Variants in GMPS observed in about 807,000 individuals in gnomAD.
GMPS encodes the protein guanosine monophosphate synthase, also known as GMP synthase [glutamine-hydrolyzing].
GMPS carries 15 observed loss-of-function variants against 77.9 expected under a neutral mutation model. That is an observed-to-expected ratio of 0.19 (90% CI 0.13 to 0.30). GMPS has a LOEUF of 0.30. Ranked by LOEUF, GMPS falls within the 10% of genes least tolerant of loss-of-function variation. The pLI is 1.00. For synonymous variants in GMPS, 224 were observed against 275.9 expected (o/e 0.81, Z 1.86); for missense variants, 590 against 838.8 (o/e 0.70, Z 3.66).
chr3:155,931,909 C>A, intron 13 of GMPS, 29 bp downstream of exon 13: 1 of 973,748 alleles, frequency 1.0e-6, no homozygotes, highest in Non-Finnish European at 1.7e-6. Flanking sequence ...AGGGTGGGGG[C>A]TTGTGTAATG....
At chr3:155,912,070 G>A (rs939644018) in intron 7 of GMPS, among the ~76,000 whole-genome samples, 1 of 151,718 alleles carries the variant, frequency 6.6e-6, no homozygotes, top group Non-Finnish European at 1.5e-5. Context: ...TTAAAAACAA[G>A]GTGCAATTGA....
At chr3:155,925,786 T>C (rs1188843239) in intron 12 of GMPS, among the ~76,000 whole-genome samples, 1 of 152,106 alleles carries the variant, frequency 6.6e-6, no homozygotes, top group African/African-American at 2.4e-5. Flanking sequence ...GTGTGAAATA[T>C]ACTGTGGTTT....
At chr3:155,882,745 C>T (rs1300715201) in intron 1 of GMPS, among the ~76,000 whole-genome samples, 2 of 152,160 alleles carry the variant, frequency 1.3e-5, no homozygotes, top group Non-Finnish European at 2.9e-5. Flanking sequence ...TTATATAAAA[C>T]TTATGGATTC....
intron 1 of GMPS, among the ~76,000 whole-genome samples, chr3:155,892,723 C>T (rs529380119): frequency 1.6e-4 from 25 of 152,318 alleles, no homozygotes; most frequent in African/African-American, 2.2e-4. Flanking sequence ...CCTCCGCCTC[C>T]GGGGTTCAAG....
Position 155,934,924 on chromosome 3 carries a change from A to G in GMPS, c.1685A>G (p.Tyr562Cys). The change falls in exon 14 of 16, where the codon TAT becomes TGT. Residue 562 changes from tyrosine to cysteine, a missense_variant. Physicochemically the swap from Tyr to Cys is radical, Grantham distance 194. This residue lies in a region of GMPS where 73 missense variants were observed against 170.5 expected (regional missense o/e 0.43). Transcript: ENST00000496455. ...TACCTCTTTGTTTCCAGAGTTGTTT[A>G]TATATTTGGCCCACCAGTTAAAGAA... The part of the protein sequence containing the change: ...RMCHNVNRVV[Y>C]IFGPPVKEPP... 1 of 1,563,632 alleles carries G rather than the reference A, an allele frequency of 6.4e-7. No homozygotes were observed. The highest frequency in any genetic ancestry group is 2.2e-5 in the East Asian group (1 of 44,452).
chr3:155,911,381 C>T, intron 7 of GMPS, 102 bp downstream of exon 7: 1 of 650,830 alleles, frequency 1.5e-6, no homozygotes, highest in Non-Finnish European at 2.5e-6. Context: ...TCTCAGTATG[C>T]TCAAGGTTGA....
At chr3:155,898,282 CT>C (rs1754649508) in intron 3 of GMPS, among the ~76,000 whole-genome samples, 1 of 152,084 alleles carries the variant, frequency 6.6e-6, no homozygotes, top group South Asian at 2.1e-4. Context: ...TTAAAAAAAC[CT>C]TGGACATGCA....
intron 7 of GMPS, among the ~76,000 whole-genome samples, chr3:155,913,026 C>T (rs1402843689): frequency 6.6e-6 from 1 of 152,204 alleles, no homozygotes; most frequent in African/African-American, 2.4e-5. Flanking sequence ...CTTGAGCCTA[C>T]TAATACCAGG....
intron 1 of GMPS, among the ~76,000 whole-genome samples, chr3:155,871,729 G>A (rs1410238590): frequency 6.6e-6 from 1 of 152,244 alleles, no homozygotes; most frequent in Non-Finnish European, 1.5e-5. Flanking sequence ...GTGCCAGCTC[G>A]CCCGAGGCCT....
chr3:155,916,385 C>T (rs945464842), intron 9 of GMPS, among the ~76,000 whole-genome samples, 193 bp downstream of exon 9: 4 of 152,226 alleles, frequency 2.6e-5, no homozygotes, highest in Non-Finnish European at 5.9e-5. Context: ...TTGTCATTGT[C>T]ATCCTGCCCC....
At chr3:155,892,034 G>C (rs1754485041) in intron 1 of GMPS, among the ~76,000 whole-genome samples, 1 of 152,026 alleles carries the variant, frequency 6.6e-6, no homozygotes, top group Non-Finnish European at 1.5e-5. Context: ...ACTGACTTAA[G>C]GTTTTTATCT....
Position 155,931,794 on chromosome 3 carries a change from T to C in GMPS, c.1590T>C (p.Cys530=), listed in dbSNP as rs1014700780. Reference sequence around the variant, plus strand: ...ACTGTCGTTCCTACAGTTACGTGTGTGGAATCTCCAGTAAAGATGAACCTG... The same window carrying C: ...ACTGTCGTTCCTACAGTTACGTGTGCGGAATCTCCAGTAAAGATGAACCTG... The part of the protein sequence containing the change: ...QGDCRSYSYV[C]GISSKDEPDW... The change falls in exon 13 of 16, where the codon TGT becomes TGC. Residue 530 remains cysteine, a synonymous_variant. Coordinates refer to ENST00000496455, the MANE Select transcript of GMPS (RefSeq NM_003875.3). 7 of 1,571,862 alleles carry C rather than the reference T, an allele frequency of 4.5e-6. No individual in the cohort carries two copies. The highest frequency in any genetic ancestry group is 6.1e-6 in the Non-Finnish European group (7 of 1,142,092).
At chr3:155,915,433 A>T in intron 8 of GMPS, among the ~76,000 whole-genome samples, 1 of 146,918 alleles carries the variant, frequency 6.8e-6, no homozygotes, top group East Asian at 2.0e-4. Context: ...ATGGAGTCTC[A>T]CTCTGCCGCC....
chr3:155,871,925 C>T (rs1297137367), intron 1 of GMPS, among the ~76,000 whole-genome samples: 2 of 152,198 alleles, frequency 1.3e-5, no homozygotes, highest in Middle Eastern at 3.2e-3. Flanking sequence ...TTTTCATTGG[C>T]CTGGAGTTCT....
chr3:155,873,810 T>G (rs1753963903), intron 1 of GMPS, among the ~76,000 whole-genome samples: 1 of 151,752 alleles, frequency 6.6e-6, no homozygotes, highest in Non-Finnish European at 1.5e-5. Context: ...AATTTTTTTG[T>G]ATTTTTAGTA....
intron 1 of GMPS, among the ~76,000 whole-genome samples, chr3:155,871,552 G>A (rs1386173388): frequency 6.6e-6 from 1 of 152,078 alleles, no homozygotes; most frequent in African/African-American, 2.4e-5. Flanking sequence ...CGTGAGGGCT[G>A]GTGGCCCCAG....
rs77962793 is a variant in GMPS at position 155,941,120 on chromosome 3, C to T, written c.*3428C>T. The T allele has an allele frequency of 1.1e-5, 2 of 182,784 alleles. No homozygotes were observed. Among genetic ancestry groups the T allele is most frequent in the African/African-American group, 2.4e-5 (1 of 42,498 alleles). 11.3% of individuals were successfully genotyped at this position (182,784 alleles called of 1,614,324 possible). ...TCAGGGCAAATCTTAAAAGGAAGTT[C>T]TTGGCCGGGCGCGGTGGCTCATGCC... is the stretch of plus-strand genomic sequence containing the variant. On this transcript the variant is annotated 3_prime_UTR_variant, in exon 16 of 16. Transcript: ENST00000496455.
chr3:155,901,152 A>C (rs1340888938), intron 3 of GMPS, among the ~76,000 whole-genome samples: 4 of 152,100 alleles, frequency 2.6e-5, no homozygotes, highest in Non-Finnish European at 4.4e-5. Context: ...TTCTCTTCCT[A>C]TCAGAGGTGA....
intron 11 of GMPS, among the ~76,000 whole-genome samples, chr3:155,923,365 A>T (rs1018992492): frequency 6.6e-6 from 1 of 152,170 alleles, no homozygotes; most frequent in Non-Finnish European, 1.5e-5. Flanking sequence ...ACATATGTCC[A>T]GAAGGAAATA....
Sources: gnomAD v4.1 joint callset for allele counts (sites outside exome capture counted in the v4.1 genomes callset) on GRCh38, gnomAD v4.1.1 for gene constraint, gnomAD v4.1.1 regional missense constraint, MANE v1.5 for transcripts, NCBI Gene and HGNC (gene_info 2026-07-23, HGNC 2026-07-21) for gene names.